RYR1: variants seen among roughly 807,000 people sequenced by gnomAD.
RYR1 encodes central core disease of muscle.
In RYR1, 342 loss-of-function variants were observed where a neutral mutation model predicts 583.5. That is an observed-to-expected ratio of 0.59 (90% confidence interval 0.54 to 0.64). The LOEUF is 0.64. Ranked by LOEUF, RYR1 falls within the 30% of genes least tolerant of loss-of-function variation. The pLI is 0.00. For missense variants in RYR1, 6,032 were observed against 6,917.2 expected (o/e 0.87, Z 4.54); for synonymous variants, 2,791 against 2,822.5 (o/e 0.99, Z 0.35).
At chr19:38,465,703 G>T (rs1215616426) in intron 23 of RYR1, among the ~76,000 whole-genome samples, 1 of 152,054 alleles carries the variant, frequency 6.6e-6, no homozygotes. Context: ...GGTGGAGGTT[G>T]CAGTGAGCCG....
At chr19:38,433,955 C>A in intron 1 of RYR1, 81 bp downstream of exon 1, 1 of 1,277,056 alleles carries the variant, frequency 7.8e-7, no homozygotes, top group Non-Finnish European at 1.1e-6. Flanking sequence ...ATGTCCCTGT[C>A]CGGCTTGCTG....
In RYR1 at chr19:38,528,983, G is replaced by C. The variant is rs779116999; in HGVS notation, c.11067G>C (p.Glu3689Asp). 1 of 1,612,834 alleles carries C rather than the reference G, an allele frequency of 6.2e-7. No homozygotes were observed. The highest frequency in any genetic ancestry group is 8.5e-7 in the Non-Finnish European group (1 of 1,179,498). Residue 3689 changes from glutamate to aspartate, a missense_variant, in exon 76 of 106, where the codon GAG becomes GAC. Physicochemically the swap from Glu to Asp is conservative, Grantham distance 45 (BLOSUM62 2). Transcript: ENST00000359596. Reference protein sequence around the residue: ...KAGEQEEEEEEVEEKKPDPLH... With the variant: ...KAGEQEEEEEDVEEKKPDPLH... Reference sequence around the variant, plus strand: ...GGGAGCAGGAGGAGGAGGAGGAAGAGGTGGAAGAGAAGAAGCCAGACCCCC... The same window carrying C: ...GGGAGCAGGAGGAGGAGGAGGAAGACGTGGAAGAGAAGAAGCCAGACCCCC...
At chr19:38,563,467 G>C (rs140576564) in intron 90 of RYR1, among the ~76,000 whole-genome samples, 1 of 152,294 alleles carries the variant, frequency 6.6e-6, no homozygotes, top group East Asian at 1.9e-4. Flanking sequence ...GTTTTGCCAT[G>C]TTGGCAAGGC....
At chr19:38,467,948 A>G (rs1968197576) in intron 25 of RYR1, 136 bp downstream of exon 25, 5 of 743,282 alleles carry the variant, frequency 6.7e-6, no homozygotes, top group Non-Finnish European at 9.1e-6. Context: ...CCACCCATCT[A>G]TCCATCCATT....
rs374713243 is a variant in RYR1 at position 38,530,179 on chromosome 19, C to T, written c.11141+1122C>T. Among the ~76,000 whole-genome samples the T allele has an allele frequency of 3.8e-3, 581 of 152,256 alleles. 6 individuals are homozygous for T. Among genetic ancestry groups the T allele is most frequent in the Non-Finnish European group, 5.9e-3 (399 of 68,026 alleles). ...ATGTTGGCCATGCTTGTCTCAAACTCCTGACCTCAAGTGATCTTCCCGCCT... is the reference window on the plus strand; with the variant it reads ...ATGTTGGCCATGCTTGTCTCAAACTTCTGACCTCAAGTGATCTTCCCGCCT... On this transcript the variant is annotated intron_variant, in intron 76 of 105. Coordinates refer to ENST00000359596, the MANE Select transcript of RYR1 (RefSeq NM_000540.3).
intron 89 of RYR1, among the ~76,000 whole-genome samples, chr19:38,559,613 G>A (rs1973036380): frequency 6.6e-6 from 1 of 152,018 alleles, no homozygotes; most frequent in Non-Finnish European, 1.5e-5. Flanking sequence ...AGGGCAGAAG[G>A]TGAGGGGTTC....
At chr19:38,566,448 C>CAAAAAAAAAA in intron 91 of RYR1, among the ~76,000 whole-genome samples, 1 of 51,068 alleles carries the variant, frequency 2.0e-5, no homozygotes, top group Non-Finnish European at 3.6e-5. Flanking sequence ...GACTCTGTCT[C>CAAAAAAAAAA]AAAAAAAAAA....
chr19:38,559,876 C>A (rs1029552816), intron 89 of RYR1, among the ~76,000 whole-genome samples: 3 of 151,736 alleles, frequency 2.0e-5, no homozygotes, highest in African/African-American at 7.3e-5. Context: ...TAAAATAGAA[C>A]ACTGCAGAGT....
intron 13 of RYR1, among the ~76,000 whole-genome samples, chr19:38,453,465 T>TA (rs1967200645): frequency 6.8e-6 from 1 of 147,544 alleles, no homozygotes. Flanking sequence ...CAGTGTGGGG[T>TA]ATGGGAGGTG....
chr19:38,456,273 C>CT lies in RYR1; in HGVS notation c.1791+522_1791+523insT, dbSNP rs1158235612. 1.2e-4 allele frequency among the ~76,000 whole-genome samples: 8 copies of CT among 66,194 alleles called. 1 individual carries two copies. The highest frequency in any genetic ancestry group is 3.6e-4 in the African/African-American group (7 of 19,664). The allele number at this position is 66,194 out of a possible 152,430, so 43.4% of individuals were successfully genotyped here. A position where few individuals can be genotyped will look rare whatever the true frequency, so the allele number is the denominator to read the frequency against. On this transcript the variant is annotated intron_variant, in intron 16 of 105. Transcript: ENST00000359596. ...ACAGGCGTGAACCACCAGCGCCTGG[C>CT]ATTTTTTTTTTTTTTTTTTTGATAC... is the stretch of plus-strand genomic sequence containing the variant.
chr19:38,558,898 C>G (rs534946354), intron 89 of RYR1, among the ~76,000 whole-genome samples: 3 of 152,322 alleles, frequency 2.0e-5, no homozygotes, highest in African/African-American at 7.2e-5. Context: ...CAAGGCCAGC[C>G]TGGCCAACAT....
chr19:38,502,804 CAGGGGG>C lies in RYR1; in HGVS notation c.7836-72_7836-67del, dbSNP rs1179055799. The C allele has an allele frequency of 4.9e-4, 425 of 862,020 alleles. 19 individuals are homozygous for C. The highest frequency in any genetic ancestry group is 2.0e-3 in the Middle Eastern group (5 of 2,458). 53.4% of individuals were successfully genotyped at this position (862,020 alleles called of 1,614,324 possible). On this transcript the variant is annotated intron_variant, in intron 48 of 105. Coordinates refer to ENST00000359596, the MANE Select transcript of RYR1 (RefSeq NM_000540.3). ...GCAGGGGCAGGGGCAGGGGCAGGGGCAGGGGGAGGAGCAGGGGCAGGGGCAGCAGAG... is the reference window on the plus strand; with the variant it reads ...GCAGGGGCAGGGGCAGGGGCAGGGGCAGGAGCAGGGGCAGGGGCAGCAGAG...
Position 38,478,416 on chromosome 19 carries a change from C to T in RYR1, c.4455-19C>T, listed in dbSNP as rs772037174. ...GCTACTCACATGAGGAGTGCAGTGA[C>T]CGCTTCTGTCTCCTGCAGCCTCAAG... On this transcript the variant is annotated intron_variant, in intron 30 of 105. Transcript: ENST00000359596. The T allele has an allele frequency of 3.1e-6, 5 of 1,611,646 alleles. No homozygotes were observed. In the South Asian group the frequency reaches 3.3e-5, roughly 11 times the overall value.
intron 66 of RYR1, among the ~76,000 whole-genome samples, chr19:38,517,893 G>C (rs1971048500): frequency 6.6e-6 from 1 of 152,164 alleles, no homozygotes; most frequent in South Asian, 2.1e-4. Flanking sequence ...ATCAGTTGAG[G>C]CCAGCCATTT....
chr19:38,457,517 C>T lies in RYR1; in HGVS notation c.1812C>T (p.Ser604=), dbSNP rs1449595009. Residue 604 remains serine, a synonymous_variant, in exon 17 of 106, where the codon TCC becomes TCT. Coordinates refer to ENST00000359596, the MANE Select transcript of RYR1 (RefSeq NM_000540.3). ...RNHKVLDVLC[S]LCVCNGVAVR... Reference sequence around the variant, plus strand: ...TCTAGGTCCTGGACGTGCTATGCTCCCTGTGTGTGTGTAATGGTGTGGCTG... The same window carrying T: ...TCTAGGTCCTGGACGTGCTATGCTCTCTGTGTGTGTGTAATGGTGTGGCTG... 6 of 1,613,938 alleles carry T rather than the reference C, an allele frequency of 3.7e-6. No homozygotes were observed. Among genetic ancestry groups the T allele is most frequent in the Non-Finnish European group, 5.1e-6 (6 of 1,180,004 alleles).
Position 38,464,634 on chromosome 19 carries a change from C to G in RYR1, c.2787-5C>G. On this transcript the variant is annotated splice_polypyrimidine_tract_variant and splice_region_variant and intron_variant, in intron 22 of 105. Transcript: ENST00000359596. The stretch of plus-strand genomic sequence containing the variant: ...GACCTGTCGCCTCCACTCCCCCACC[C>G]CCAGGACTCTGCTGGCTCTGGGCTG... 6.3e-7 allele frequency: 1 copy of G among 1,575,332 alleles called. No individual in the cohort carries two copies. Among genetic ancestry groups the G allele is most frequent in the Non-Finnish European group, 8.6e-7 (1 of 1,160,148 alleles).
Position 38,463,503 on chromosome 19 carries a change from C to G in RYR1, c.2658C>G (p.Ile886Met), listed in dbSNP as rs148094797. 4.3e-6 allele frequency: 7 copies of G among 1,612,926 alleles called. No homozygotes were observed. The highest frequency in any genetic ancestry group is 5.9e-6 in the Non-Finnish European group (7 of 1,179,980). ...ACGAGCTCTGGGCGCTAACCCGCAT[C>G]GAGCAGGGCTGGACCTACGGCCCGG... ...NIHELWALTR[I>M]EQGWTYGPVR... is the part of the protein sequence containing the mutation. The change falls in exon 21 of 106, where the codon ATC becomes ATG. Residue 886 changes from isoleucine to methionine, a missense_variant. By Grantham distance (10) the Ile-to-Met change is conservative. Around this residue, in one of 11 missense-constraint regions of RYR1, gnomAD observed 2,627 missense variants for 2,961.3 expected, o/e 0.89. Coordinates refer to ENST00000359596, the MANE Select transcript of RYR1 (RefSeq NM_000540.3).
rs2145408589 is a variant in RYR1 at position 38,458,118 on chromosome 19, G to T, written c.1993G>T (p.Val665Leu). The T allele has an allele frequency of 6.2e-7, 1 of 1,614,042 alleles. No individual in the cohort carries two copies. ...GCAGTACAGCAAATGGTACTTTGAG[G>T]TGATGGTGGACGAGGTGACTCCATT... ...TTQYSKWYFEVMVDEVTPFLT... is the reference protein window; with the variant it reads ...TTQYSKWYFELMVDEVTPFLT... Residue 665 changes from valine (V) to leucine (L), a missense_variant, in exon 18 of 106, where the codon GTG (valine) becomes TTG (leucine). Physicochemically the swap from Val to Leu is conservative, Grantham distance 32. Transcript: ENST00000359596.
In RYR1 at chr19:38,573,276, G is replaced by A; in HGVS notation, c.14098G>A (p.Gly4700Arg). The A allele has an allele frequency of 1.2e-6, 2 of 1,613,930 alleles. No homozygotes were observed. The highest frequency in any genetic ancestry group is 8.5e-7 in the Non-Finnish European group (1 of 1,179,914). ...TEQPEDDDVK[G>R]QWDRLVLNTP... ...GCAGCCTGAGGACGATGACGTGAAG[G>A]GGCAGTGGGACCGACTGGTGCTCAA... Residue 4700 changes from glycine to arginine, a missense_variant, in exon 96 of 106, where the codon GGG becomes AGG. By Grantham distance (125) the Gly-to-Arg change is moderately radical. This residue lies in a region of RYR1 where 188 missense variants were observed against 215.6 expected (regional missense o/e 0.87). Coordinates refer to ENST00000359596, the MANE Select transcript of RYR1 (RefSeq NM_000540.3).
Sources: allele counts gnomAD v4.1 joint callset (sites outside exome capture counted in the v4.1 genomes callset), GRCh38; gene constraint gnomAD v4.1.1; regional missense constraint gnomAD v4.1.1; transcripts MANE v1.5; gene names NCBI Gene and HGNC (gene_info 2026-07-23, HGNC 2026-07-21).